EP400: variants seen among roughly 807,000 people sequenced by gnomAD.
The protein encoded by EP400 is E1A binding protein p400.
Under a neutral mutation model 354.1 loss-of-function variants are expected in EP400, and 105 were observed. The ratio of observed to expected loss-of-function variants is 0.30; its 90% confidence interval spans 0.25 to 0.35. The LOEUF (loss-of-function observed/expected upper bound fraction) is 0.35, where lower values mean the gene tolerates loss of function less well. EP400 is among the 10% of genes least tolerant of loss of function. EP400 has a pLI of 1.00. For synonymous variants in EP400, 1,646 were observed against 1,716.9 expected (o/e 0.96, Z 1.02); for missense variants, 3,280 against 4,121.0 (o/e 0.80, Z 5.59).
intron 32 of EP400, among the ~76,000 whole-genome samples, chr12:132,040,890 G>A (rs962111293): frequency 4.6e-5 from 7 of 152,160 alleles, no homozygotes; most frequent in Non-Finnish European, 1.0e-4. Context: ...TGACTCCTTT[G>A]TTGAGACTCA....
chr12:132,038,064 A>G lies in EP400; in HGVS notation c.6175A>G (p.Ile2059Val), dbSNP rs1235707360. Residue 2059 changes from isoleucine (I) to valine (V), a missense_variant, in exon 32 of 53, where the codon ATT becomes GTT. Transcript: ENST00000389561. The surrounding 1 kb of genome is among the most constrained non-coding windows in gnomAD (Gnocchi z 4.2). ...LSQEPSVTETIAPKIARPFIE... is the reference protein window; with the variant it reads ...LSQEPSVTETVAPKIARPFIE... Reference sequence around the variant, plus strand: ...TCAGGAACCTTCTGTCACGGAAACCATTGCACCCAAAATTGCAAGACCTTT... The same window carrying G: ...TCAGGAACCTTCTGTCACGGAAACCGTTGCACCCAAAATTGCAAGACCTTT... 1.2e-6 allele frequency: 2 copies of G among 1,614,190 alleles called. No homozygotes were observed. The highest frequency in any genetic ancestry group is 1.7e-5 in the Admixed American group (1 of 60,026).
At chr12:131,979,387 T>C (rs1036805568) in intron 2 of EP400, among the ~76,000 whole-genome samples, 7 of 152,192 alleles carry the variant, frequency 4.6e-5, no homozygotes, top group Non-Finnish European at 1.0e-4. Flanking sequence ...CTGAAACTCA[T>C]GTTTCCCAGC....
rs546976136 is a variant in EP400 at position 132,007,743 on chromosome 12, G to A, written c.3304+866G>A. On this transcript the variant is annotated intron_variant, in intron 15 of 52. Coordinates refer to ENST00000389561, the MANE Select transcript of EP400 (RefSeq NM_015409.5). ...ATTGCTGCAGAGAAGAGGGGATTTG[G>A]CCTTGTCTTTACATTTGAGCTTTGA... 3.5e-4 allele frequency among the ~76,000 whole-genome samples: 54 copies of A among 152,282 alleles called. 2 individuals carry two copies. In the East Asian group the frequency reaches 4.6e-3, roughly 13 times the overall value.
At position 132,079,447 on chromosome 12, in the gene EP400, C is replaced by G. The variant is rs1896323532; in HGVS notation, c.*1774C>G. 6.6e-6 allele frequency: 1 copy of G among 152,398 alleles called. No homozygotes were observed. The highest frequency in any genetic ancestry group is 2.1e-4 in the South Asian group (1 of 4,834). The allele number at this position is 152,398 out of a possible 1,614,324, so 9.4% of individuals were successfully genotyped here. The stretch of plus-strand genomic sequence containing the variant: ...CTGGCTCCCAGTGGAAACTTTTACT[C>G]CTCCTCATCCGCAGATGTGATAGAA... On this transcript the variant is annotated 3_prime_UTR_variant, in exon 53 of 53. Coordinates refer to ENST00000389561, the MANE Select transcript of EP400 (RefSeq NM_015409.5).
intron 12 of EP400, among the ~76,000 whole-genome samples, chr12:131,997,292 A>G (rs1470250549): frequency 8.0e-5 from 12 of 149,154 alleles, no homozygotes; most frequent in Admixed American, 4.7e-4. Context: ...TTTTTTTGAG[A>G]CAGAGTCTCA....
chr12:132,065,158 C>A, intron 48 of EP400: 1 of 587,280 alleles, frequency 1.7e-6, no homozygotes, highest in Non-Finnish European at 2.9e-6. Context: ...TGAGATGCAG[C>A]CTGCGTGGCT....
chr12:132,065,456 G>T (rs1280419491), intron 48 of EP400: 1 of 156,276 alleles, frequency 6.4e-6, no homozygotes, highest in Admixed American at 6.1e-5. Flanking sequence ...TGCCCTGTTG[G>T]AGGCTCACCC....
In EP400 at chr12:132,038,222, C is replaced by T; in HGVS notation, c.6207+126C>T. On this transcript the variant is annotated intron_variant, in intron 32 of 52. Coordinates refer to ENST00000389561, the MANE Select transcript of EP400 (RefSeq NM_015409.5). This position sits in a 1 kb window ranked among gnomAD's most constrained non-coding sequence, Gnocchi z 4.2. ...CTGGCCTGAAGCCCTCTTCCCGTCC[C>T]TGCTTTTGGAACCTCCCCACTCCCT... 4 of 1,246,860 alleles carry T rather than the reference C, an allele frequency of 3.2e-6. No individual in the cohort carries two copies. Among genetic ancestry groups the T allele is most frequent in the South Asian group, 3.0e-5 (2 of 67,586 alleles). 77.2% of individuals were successfully genotyped at this position (1,246,860 alleles called of 1,614,324 possible).
chr12:132,033,274 A>G (rs536863823), intron 30 of EP400, among the ~76,000 whole-genome samples: 164 of 152,314 alleles, frequency 1.1e-3, no homozygotes, highest in African/African-American at 3.7e-3. Context: ...GATAAAAACT[A>G]TAACTGTCAA....
At position 132,013,999 on chromosome 12, in the gene EP400, T is replaced by C; in HGVS notation, c.3923+86T>C. 2 of 1,546,568 alleles carry C rather than the reference T, an allele frequency of 1.3e-6. No individual in the cohort carries two copies. Among genetic ancestry groups the C allele is most frequent in the Non-Finnish European group, 1.7e-6 (2 of 1,142,916 alleles). On this transcript the variant is annotated intron_variant, in intron 19 of 52. Transcript: ENST00000389561. The surrounding 1 kb of genome is among the most constrained non-coding windows in gnomAD (Gnocchi z 4.5). ...CCTTTCTGTGGCCTCAGCAGAAAGC[T>C]CCTTTCCGCAAGGATTGGGTGTCTG...
At chr12:131,991,589 T>C (rs1893036607) in intron 10 of EP400, 133 bp downstream of exon 10, 1 of 879,758 alleles carries the variant, frequency 1.1e-6, no homozygotes, top group Non-Finnish European at 1.7e-6. Context: ...TTTTTTTTTT[T>C]TTTGTTTTAG....
At chr12:132,072,526 G>T (rs1437868127) in intron 51 of EP400, among the ~76,000 whole-genome samples, 1 of 152,186 alleles carries the variant, frequency 6.6e-6, no homozygotes, top group African/African-American at 2.4e-5. Context: ...CAGAGAATGA[G>T]GTCTCAATGA....
Position 132,075,324 on chromosome 12 carries a change from G to A in EP400, c.9022-1192G>A, listed in dbSNP as rs73164911. On this transcript the variant is annotated intron_variant, in intron 51 of 52. Coordinates refer to ENST00000389561, the MANE Select transcript of EP400 (RefSeq NM_015409.5). The surrounding 1 kb of genome is among the most constrained non-coding windows in gnomAD (Gnocchi z 4.5). ...GCGTCTCCATGTGGCCAGCGATCCC[G>A]GGCAGAGGTTGTGCAGCTTTTCTGC... 2.0e-5 allele frequency among the ~76,000 whole-genome samples: 3 copies of A among 152,014 alleles called. No homozygotes were observed. Among genetic ancestry groups the A allele is most frequent in the South Asian group, 2.1e-4 (1 of 4,820 alleles).
chr12:132,023,728 A>G (rs1259614742), intron 23 of EP400, 49 bp from the exon 24 acceptor site: 1 of 1,599,280 alleles, frequency 6.3e-7, no homozygotes, highest in Non-Finnish European at 8.5e-7. Context: ...ACACTCCCAA[A>G]TTTTTTCCAA....
intron 32 of EP400, among the ~76,000 whole-genome samples, chr12:132,041,216 G>A (rs964585485): frequency 2.6e-5 from 4 of 152,254 alleles, no homozygotes; most frequent in East Asian, 1.9e-4. Context: ...CATTGGCAAC[G>A]CTCATCAGAG....
chr12:131,986,294 A>G (rs1436249560), intron 5 of EP400, among the ~76,000 whole-genome samples: 9 of 152,370 alleles, frequency 5.9e-5, no homozygotes, highest in Admixed American at 5.9e-4. Flanking sequence ...ATAGTTCATA[A>G]TGAAAACTCC....
intron 31 of EP400, 73 bp downstream of exon 31, chr12:132,037,866 A>C: frequency 6.2e-7 from 1 of 1,609,844 alleles, no homozygotes; most frequent in Non-Finnish European, 8.5e-7. Flanking sequence ...GTGTTAGTGC[A>C]CACTAGCAAG....
chr12:132,069,340 A>G, intron 50 of EP400, 155 bp from the exon 51 acceptor site: 3 of 1,044,374 alleles, frequency 2.9e-6, no homozygotes, highest in South Asian at 3.4e-5. Context: ...CAGGGATGGG[A>G]CAGGGGGCAG....
chr12:132,023,954 A>C lies in EP400; in HGVS notation c.4855+13A>C, dbSNP rs780712233. 16 of 1,583,880 alleles carry C rather than the reference A, an allele frequency of 1.0e-5. No individual in the cohort carries two copies. In the Admixed American group the frequency reaches 2.9e-4, roughly 29 times the overall value. On this transcript the variant is annotated intron_variant, in intron 24 of 52. Coordinates refer to ENST00000389561, the MANE Select transcript of EP400 (RefSeq NM_015409.5). ...CTGCAGCTGCAAGGTAAGGATAAGG[A>C]TGAGAGAGCACTGATGCCAAAAATG...
Sources: gnomAD v4.1 joint callset for allele counts (sites outside exome capture counted in the v4.1 genomes callset) on GRCh38, gnomAD v4.1.1 for gene constraint, Gnocchi (gnomAD v3.1) non-coding constraint, MANE v1.5 for transcripts, NCBI Gene and HGNC (gene_info 2026-07-23, HGNC 2026-07-21) for gene names.